The following AKAP19 variants were observed in gnomAD, a reference collection of about 807,000 sequenced individuals.
AKAP19 encodes the protein small A-kinase anchoring protein.
At chr2:190,002,873 C>T in the AKAP19 span, among the ~76,000 whole-genome samples, 13 of 152,006 alleles carry the variant, frequency 8.6e-5, no homozygotes, top group East Asian at 3.9e-4. Context: ...ATGTCGTCCA[C>T]GGAATTTTGA....
chr2:190,071,097 T>C, the AKAP19 span, among the ~76,000 whole-genome samples: 1 of 152,184 alleles, frequency 6.6e-6, no homozygotes, highest in African/African-American at 2.4e-5. Flanking sequence ...TGTTTGTGTC[T>C]TAGTTTTTAA....
chr2:189,946,472 C>T, the AKAP19 span, among the ~76,000 whole-genome samples: 2 of 152,148 alleles, frequency 1.3e-5, no homozygotes, highest in Admixed American at 1.3e-4. Context: ...TAGTGCTTTC[C>T]TATGACCCTA....
chr2:190,006,847 ACTC>A, the AKAP19 span, among the ~76,000 whole-genome samples: 1 of 151,334 alleles, frequency 6.6e-6, no homozygotes, highest in Non-Finnish European at 1.5e-5. Context: ...TGAAACCACG[ACTC>A]TACTAAAAAT....
the AKAP19 span, among the ~76,000 whole-genome samples, chr2:189,968,247 C>G: frequency 6.6e-6 from 1 of 152,054 alleles, no homozygotes; most frequent in Non-Finnish European, 1.5e-5. Context: ...TATTTATTTA[C>G]TTATTGTAGA....
the AKAP19 span, among the ~76,000 whole-genome samples, chr2:189,911,508 A>G: frequency 6.6e-6 from 1 of 152,132 alleles, no homozygotes; most frequent in Admixed American, 6.6e-5. Context: ...CTATGCCAGT[A>G]TTTATCTCAT....
chr2:190,057,413 G>A, the AKAP19 span: 2 of 1,613,584 alleles, frequency 1.2e-6, no homozygotes, highest in Non-Finnish European at 1.7e-6. Context: ...TGTACCAGAT[G>A]AGTATGAGGA....
At chr2:190,128,454 C>T in the AKAP19 span, among the ~76,000 whole-genome samples, 690 of 152,312 alleles carry the variant, frequency 4.5e-3, 2 homozygotes, top group Non-Finnish European at 7.9e-3. Context: ...GGTCTTGACA[C>T]AGGGCAAGTG....
chr2:190,005,236 T>C, the AKAP19 span, among the ~76,000 whole-genome samples: 1 of 152,112 alleles, frequency 6.6e-6, no homozygotes, highest in African/African-American at 2.4e-5. Flanking sequence ...CCTGACCAGG[T>C]TGCCGCAGCT....
At chr2:189,903,877 A>T in the AKAP19 span, among the ~76,000 whole-genome samples, 1 of 152,018 alleles carries the variant, frequency 6.6e-6, no homozygotes. Context: ...CCCACTTATA[A>T]GTGAGAACAT....
chr2:190,015,770 T>G, the AKAP19 span, among the ~76,000 whole-genome samples: 2 of 152,198 alleles, frequency 1.3e-5, no homozygotes, highest in African/African-American at 4.8e-5. Context: ...GACTTAACAC[T>G]TTCAAAATCA....
the AKAP19 span, among the ~76,000 whole-genome samples, chr2:189,998,562 G>T: frequency 6.6e-6 from 1 of 152,072 alleles, no homozygotes. Flanking sequence ...CTGTTTATGA[G>T]ATTCCTTTAT....
chr2:189,969,708 G>A, the AKAP19 span, among the ~76,000 whole-genome samples: 2 of 123,810 alleles, frequency 1.6e-5, no homozygotes, highest in Admixed American at 1.0e-4. Context: ...CAGACTGGGC[G>A]ACAGAGCAAG....
the AKAP19 span, among the ~76,000 whole-genome samples, chr2:190,136,515 T>G: frequency 1.8e-4 from 27 of 152,258 alleles, no homozygotes; most frequent in Middle Eastern, 6.8e-3. Flanking sequence ...AAAGGTTGGT[T>G]TCTGGACAAC....
At chr2:190,172,240 AC>A in the AKAP19 span, among the ~76,000 whole-genome samples, 1 of 151,980 alleles carries the variant, frequency 6.6e-6, no homozygotes, top group Non-Finnish European at 1.5e-5. Context: ...CTTTTCATTG[AC>A]CTCCTGTTAT....
chr2:189,907,394 C>T, the AKAP19 span, among the ~76,000 whole-genome samples: 4 of 152,136 alleles, frequency 2.6e-5, no homozygotes, highest in South Asian at 8.3e-4. Flanking sequence ...CCTCAGGATA[C>T]CTGCAGTATT....
At chr2:190,105,406 T>C in the AKAP19 span, among the ~76,000 whole-genome samples, 1 of 152,226 alleles carries the variant, frequency 6.6e-6, no homozygotes, top group African/African-American at 2.4e-5. Context: ...TCTCCCTCTA[T>C]TCCTGCTCAT....
the AKAP19 span, among the ~76,000 whole-genome samples, chr2:189,980,506 T>C: frequency 3.3e-5 from 5 of 152,118 alleles, no homozygotes; most frequent in Admixed American, 3.3e-4. Context: ...AGTTAGTTTT[T>C]GTATTTTTAG....
chr2:190,057,777 A>C, the AKAP19 span: 10 of 862,246 alleles, frequency 1.2e-5, no homozygotes, highest in South Asian at 1.4e-4. Context: ...CACAGCATTA[A>C]GGAATGTTAA....
the AKAP19 span, among the ~76,000 whole-genome samples, chr2:190,191,958 T>A: frequency 2.6e-5 from 4 of 152,178 alleles, no homozygotes; most frequent in African/African-American, 9.6e-5. Flanking sequence ...CAAATCTTTT[T>A]CATTTTGATT....
Sources: gnomAD v4.1 joint callset for allele counts (sites outside exome capture counted in the v4.1 genomes callset) on GRCh38, gnomAD v4.1.1 for gene constraint, MANE v1.5 for transcripts, NCBI Gene and HGNC (gene_info 2026-07-23, HGNC 2026-07-21) for gene names.